ACVR2A: variants seen among roughly 807,000 people sequenced by gnomAD.
ACVR2A encodes activin receptor type-2A.
ACVR2A carries 7 observed loss-of-function variants against 61.4 expected under a neutral mutation model. The ratio of observed to expected loss-of-function variants is 0.11; its 90% CI spans 0.06 to 0.21. The LOEUF is 0.21. Ranked by LOEUF, ACVR2A falls within the 10% of genes least tolerant of loss-of-function variation. The pLI, the probability that ACVR2A is intolerant of heterozygous loss-of-function variation, is 1.00. For synonymous variants in ACVR2A, 193 were observed against 208.3 expected, an observed-to-expected ratio of 0.93 and a Z score of 0.63; for missense variants, 322 against 621.7, an observed-to-expected ratio of 0.52 and a Z score of 5.13.
chr2:147,866,797 C>T (rs1005308861), intron 1 of ACVR2A, among the ~76,000 whole-genome samples: 7 of 152,102 alleles, frequency 4.6e-5, no homozygotes, highest in Admixed American at 3.9e-4. Flanking sequence ...GTACTTGTGG[C>T]CCATTCTGAT....
chr2:147,905,052 C>A (rs1686956356), intron 4 of ACVR2A, among the ~76,000 whole-genome samples: 1 of 151,914 alleles, frequency 6.6e-6, no homozygotes, highest in Admixed American at 6.6e-5. Context: ...TAAATACATG[C>A]TTGTGGTATC....
At chr2:147,862,038 C>T (rs978244790) in intron 1 of ACVR2A, among the ~76,000 whole-genome samples, 1 of 152,094 alleles carries the variant, frequency 6.6e-6, no homozygotes, top group African/African-American at 2.4e-5. Flanking sequence ...ATCAGTGGAG[C>T]TAGAACTAAA....
intron 10 of ACVR2A, among the ~76,000 whole-genome samples, 167 bp downstream of exon 10, chr2:147,926,328 C>T (rs1478760440): frequency 2.0e-5 from 3 of 151,868 alleles, no homozygotes; most frequent in Non-Finnish European, 4.4e-5. Flanking sequence ...TGTCTGTATA[C>T]CCCTGAAGGT....
intron 1 of ACVR2A, among the ~76,000 whole-genome samples, chr2:147,853,368 C>T (rs1215202049): frequency 6.6e-6 from 1 of 152,008 alleles, no homozygotes; most frequent in Non-Finnish European, 1.5e-5. Context: ...AAATGATGGT[C>T]AAATTTCAGT....
intron 4 of ACVR2A, among the ~76,000 whole-genome samples, chr2:147,902,492 A>G (rs1686892153): frequency 6.6e-6 from 1 of 152,052 alleles, no homozygotes; most frequent in Non-Finnish European, 1.5e-5. Flanking sequence ...AATTTGTATG[A>G]CTACTAAAAT....
At chr2:147,898,379 C>T (rs1686795313) in intron 2 of ACVR2A, 1 of 151,960 alleles carries the variant, frequency 6.6e-6, no homozygotes, top group Non-Finnish European at 1.5e-5. Context: ...TCATGTTAAT[C>T]TGTTGTAATT....
chr2:147,926,201 A>C, intron 10 of ACVR2A, 40 bp downstream of exon 10: 1 of 1,588,714 alleles, frequency 6.3e-7, no homozygotes, highest in Non-Finnish European at 8.6e-7. Context: ...AATTCCAATA[A>C]AACACTTTTC....
intron 7 of ACVR2A, 57 bp downstream of exon 7, chr2:147,918,649 T>G (rs1687309533): frequency 6.9e-7 from 1 of 1,456,992 alleles, no homozygotes; most frequent in Non-Finnish European, 9.2e-7. Flanking sequence ...ACTAAACTTT[T>G]AAGCCCCTGG....
At chr2:147,861,683 C>T (rs924184565) in intron 1 of ACVR2A, among the ~76,000 whole-genome samples, 5 of 151,208 alleles carry the variant, frequency 3.3e-5, no homozygotes, top group African/African-American at 4.9e-5. Context: ...ATTTGAAATC[C>T]GAAAAAAAAA....
At position 147,922,962 on chromosome 2, in the gene ACVR2A, A is replaced by C; in HGVS notation, c.1078-11A>C. On this transcript the variant is annotated splice_polypyrimidine_tract_variant and intron_variant, in intron 8 of 10. Transcript: ENST00000241416. ...TGAATGAGTACTCTTTGCTTTTAAC[A>C]TCTTTTTCAGGTTGGTACCCGGAGG... 6.3e-7 allele frequency: 1 copy of C among 1,597,408 alleles called. No homozygotes were observed. The highest frequency in any genetic ancestry group is 8.5e-7 in the Non-Finnish European group (1 of 1,175,206).
intron 1 of ACVR2A, among the ~76,000 whole-genome samples, chr2:147,890,632 G>A (rs1047501250): frequency 3.3e-5 from 5 of 151,992 alleles, no homozygotes; most frequent in African/African-American, 4.8e-5. Flanking sequence ...TAACTATTTA[G>A]AGTTACTTTG....
At chr2:147,895,161 T>G (rs1686697452) in intron 1 of ACVR2A, among the ~76,000 whole-genome samples, 1 of 152,178 alleles carries the variant, frequency 6.6e-6, no homozygotes, top group African/African-American at 2.4e-5. Context: ...TATCAAAACT[T>G]ACATACACAC....
chr2:147,916,053 G>A (rs535899380), intron 5 of ACVR2A, among the ~76,000 whole-genome samples: 14 of 151,988 alleles, frequency 9.2e-5, no homozygotes, highest in African/African-American at 3.4e-4. Context: ...ACCATACTTA[G>A]AGAGTGGATG....
chr2:147,927,178 G>A lies in ACVR2A; in HGVS notation c.1446G>A (p.Met482Ile). Residue 482 changes from methionine (M) to isoleucine (I), a missense_variant, in exon 11 of 11, where the codon ATG becomes ATA. By Grantham distance (10) the Met-to-Ile change is conservative. Around this residue, in one of 3 missense-constraint regions of ACVR2A, gnomAD observed 34 missense variants for 37.6 expected, o/e 0.91. Coordinates refer to ENST00000241416, the MANE Select transcript of ACVR2A (RefSeq NM_001616.5). ...AGCVGERITQ[M>I]QRLTNIITTE... ...GTGTAGGTGAAAGAATTACCCAGAT[G>A]CAGAGACTAACAAATATTATTACCA... is the stretch of plus-strand genomic sequence containing the variant. 6.2e-7 allele frequency: 1 copy of A among 1,612,270 alleles called. No homozygotes were observed. Among genetic ancestry groups the A allele is most frequent in the East Asian group, 2.2e-5 (1 of 44,812 alleles).
intron 4 of ACVR2A, among the ~76,000 whole-genome samples, chr2:147,902,289 A>G (rs919872323): frequency 1.3e-5 from 2 of 151,976 alleles, no homozygotes; most frequent in Non-Finnish European, 2.9e-5. Flanking sequence ...TTTATGTAGT[A>G]AAATCTCCAT....
intron 8 of ACVR2A, among the ~76,000 whole-genome samples, chr2:147,922,339 A>G (rs567119793): frequency 1.3e-5 from 2 of 152,202 alleles, no homozygotes; most frequent in African/African-American, 2.4e-5. Context: ...GTTCGAATAC[A>G]TCGCAAGTAT....
intron 4 of ACVR2A, among the ~76,000 whole-genome samples, chr2:147,908,269 A>G (rs1374355551): frequency 6.6e-6 from 1 of 152,178 alleles, no homozygotes; most frequent in Admixed American, 6.6e-5. Context: ...TTCTGTAGCC[A>G]GTCATAAAAC....
intron 4 of ACVR2A, among the ~76,000 whole-genome samples, chr2:147,901,523 T>C (rs548040148): frequency 6.6e-6 from 1 of 152,152 alleles, no homozygotes; most frequent in African/African-American, 2.4e-5. Context: ...ATTGATGTTA[T>C]GCATAAATAA....
At chr2:147,918,176 A>G (rs892817353) in intron 6 of ACVR2A, among the ~76,000 whole-genome samples, 4 of 151,792 alleles carry the variant, frequency 2.6e-5, no homozygotes, top group Non-Finnish European at 4.4e-5. Context: ...TTTAAAAAAA[A>G]AAAAAAACAA....
Sources: allele counts gnomAD v4.1 joint callset (sites outside exome capture counted in the v4.1 genomes callset), GRCh38; gene constraint gnomAD v4.1.1; regional missense constraint gnomAD v4.1.1; transcripts MANE v1.5; gene names NCBI Gene and HGNC (gene_info 2026-07-23, HGNC 2026-07-21).